The following FBXO31 variants were observed in gnomAD, a reference collection of about 807,000 sequenced individuals.
The protein encoded by FBXO31 is F-box protein 31.
In FBXO31, 24 loss-of-function variants were observed where a neutral mutation model predicts 54.4. The observed-to-expected ratio is 0.44, with a 90% CI of 0.32 to 0.62. The LOEUF (loss-of-function observed/expected upper bound fraction) is 0.62, where lower values mean the gene tolerates loss of function less well. FBXO31 is among the 20% of genes least tolerant of loss of function. The pLI is 0.05. For missense variants in FBXO31, 665 were observed against 787.1 expected, an observed-to-expected ratio of 0.84 and a Z score of 1.86; for synonymous variants, 388 against 335.6, an observed-to-expected ratio of 1.16 and a Z score of -1.71.
At chr16:87,351,921 C>T (rs553001568) in intron 2 of FBXO31, among the ~76,000 whole-genome samples, 3 of 152,174 alleles carry the variant, frequency 2.0e-5, no homozygotes, top group African/African-American at 4.8e-5. Flanking sequence ...AGACGCTCTT[C>T]GTTTGTACAG....
chr16:87,355,465 T>G (rs1215227668), intron 2 of FBXO31, among the ~76,000 whole-genome samples: 1 of 152,184 alleles, frequency 6.6e-6, no homozygotes, highest in East Asian at 1.9e-4. Flanking sequence ...TTGGCTTTCT[T>G]TTTTCACACA....
chr16:87,336,299 G>T lies in FBXO31; in HGVS notation c.733-35C>A. ...GAACACAGGTCATGAATATCCATAT[G>T]ACAGGAGGCTGTGAAGAGGCTGCCG... On this transcript the variant is annotated intron_variant, in intron 5 of 8. Coordinates refer to ENST00000311635, the MANE Select transcript of FBXO31 (RefSeq NM_024735.5). This position sits in a 1 kb window ranked among gnomAD's most constrained non-coding sequence, Gnocchi z 6.5. The T allele has an allele frequency of 6.3e-7, 1 of 1,594,568 alleles. No homozygotes were observed. The highest frequency in any genetic ancestry group is 1.1e-5 in the South Asian group (1 of 90,708).
chr16:87,333,721 G>C (rs549321079), intron 8 of FBXO31, among the ~76,000 whole-genome samples, 165 bp downstream of exon 8: 1 of 152,172 alleles, frequency 6.6e-6, no homozygotes, highest in African/African-American at 2.4e-5. Context: ...AGGTGCTGGG[G>C]AACATGGCCC....
Position 87,335,348 on chromosome 16 carries a change from T to C in FBXO31, c.952A>G (p.Met318Val). Residue 318 changes from methionine (M) to valine (V), a missense_variant, in exon 7 of 9, where the codon ATG becomes GTG. By Grantham distance (21) the Met-to-Val change is conservative. Coordinates refer to ENST00000311635, the MANE Select transcript of FBXO31 (RefSeq NM_024735.5). This position sits in a 1 kb window ranked among gnomAD's most constrained non-coding sequence, Gnocchi z 5.7. ...TYGSHGLEIV[M>V]LSFHGRRARG... ...GCACGCCGGCCGTGGAAGCTGAGCA[T>C]CACAATCTCCAGGCCGTGGCTGCCA... 6.2e-7 allele frequency: 1 copy of C among 1,613,988 alleles called. No individual in the cohort carries two copies. The highest frequency in any genetic ancestry group is 8.5e-7 in the Non-Finnish European group (1 of 1,179,986).
chr16:87,329,108 C>G lies in FBXO31; in HGVS notation c.*2180G>C, dbSNP rs1242074456. On this transcript the variant is annotated 3_prime_UTR_variant, in exon 9 of 9. Transcript: ENST00000311635. Reference sequence around the variant, plus strand: ...TAAGGACACATCGGAGCGGAAAAAACAAGACCTGTAGTCACGACTGAAGGG... The same window carrying G: ...TAAGGACACATCGGAGCGGAAAAAAGAAGACCTGTAGTCACGACTGAAGGG... 3 of 152,310 alleles carry G rather than the reference C, an allele frequency of 2.0e-5. No homozygotes were observed. The highest frequency in any genetic ancestry group is 7.2e-5 in the African/African-American group (3 of 41,474). 9.4% of individuals were successfully genotyped at this position (152,310 alleles called of 1,614,324 possible). A position where few individuals can be genotyped will look rare whatever the true frequency, so the allele number is the denominator to read the frequency against.
intron 2 of FBXO31, among the ~76,000 whole-genome samples, chr16:87,359,691 T>C (rs1906050093): frequency 6.6e-6 from 1 of 152,174 alleles, no homozygotes; most frequent in Admixed American, 6.5e-5. Flanking sequence ...AAGAGCTTCG[T>C]CCAGTGAGCA....
chr16:87,383,739 C>A lies in FBXO31; in HGVS notation c.6G>T (p.Ala2=), dbSNP rs903755859. 3.3e-6 allele frequency: 4 copies of A among 1,214,794 alleles called. No individual in the cohort carries two copies. Among genetic ancestry groups the A allele is most frequent in the Middle Eastern group, 6.5e-4 (2 of 3,074 alleles). 75.3% of individuals were successfully genotyped at this position (1,214,794 alleles called of 1,614,324 possible). M[A]VCARLCGVGP... ...CCACGCCGCAAAGGCGAGCACACAC[C>A]GCCATGCCGCCCAGTGACGGCCACT... Residue 2 remains alanine (A), a synonymous_variant, in exon 1 of 9, where the codon GCG becomes GCT. Coordinates refer to ENST00000311635, the MANE Select transcript of FBXO31 (RefSeq NM_024735.5). This position sits in a 1 kb window ranked among gnomAD's most constrained non-coding sequence, Gnocchi z 4.9.
At chr16:87,354,591 G>A (rs180941420) in intron 2 of FBXO31, among the ~76,000 whole-genome samples, 115 of 152,150 alleles carry the variant, frequency 7.6e-4, no homozygotes, top group Non-Finnish European at 1.3e-3. Context: ...TTACAAATGC[G>A]TATTATCCAG....
chr16:87,344,865 A>G (rs1331199968), intron 3 of FBXO31, among the ~76,000 whole-genome samples: 34 of 146,346 alleles, frequency 2.3e-4, no homozygotes, highest in African/African-American at 7.1e-4. Flanking sequence ...TGGGGGCAAA[A>G]CCCATCCCTG....
intron 3 of FBXO31, among the ~76,000 whole-genome samples, chr16:87,344,573 C>T (rs962111865): frequency 2.0e-5 from 3 of 152,108 alleles, no homozygotes; most frequent in Non-Finnish European, 2.9e-5. Flanking sequence ...CTGGGTCAAG[C>T]GTGAGCTGGT....
At chr16:87,389,676 T>C (rs1239298977) in intron 1 of FBXO31, 3 of 152,252 alleles carry the variant, frequency 2.0e-5, no homozygotes, top group African/African-American at 2.4e-5. Context: ...CTCCACTCTT[T>C]AAGACTTCAA....
chr16:87,388,101 G>T (rs1347069191), upstream of FBXO31, among the ~76,000 whole-genome samples: 3 of 152,204 alleles, frequency 2.0e-5, no homozygotes, highest in Non-Finnish European at 4.4e-5. Context: ...AAACATGGTG[G>T]AACCTCAGCC....
upstream of FBXO31, chr16:87,391,511 G>C (rs1597386432): frequency 6.6e-6 from 1 of 152,350 alleles, no homozygotes; most frequent in African/African-American, 2.4e-5. Flanking sequence ...TAGTGGCTGG[G>C]AGGCTGAGGG....
chr16:87,372,761 C>G (rs1340802621), intron 1 of FBXO31, among the ~76,000 whole-genome samples: 1 of 144,228 alleles, frequency 6.9e-6, no homozygotes, highest in Non-Finnish European at 1.5e-5. Context: ...GAGACAGAGT[C>G]TCACTCTGTC....
chr16:87,369,750 T>C (rs1033177747), intron 1 of FBXO31, among the ~76,000 whole-genome samples: 1 of 152,260 alleles, frequency 6.6e-6, no homozygotes, highest in Non-Finnish European at 1.5e-5. Context: ...ACTACAATAC[T>C]GTTTTCCACA....
At chr16:87,347,953 G>T (rs1244141677) in intron 2 of FBXO31, among the ~76,000 whole-genome samples, 1 of 152,226 alleles carries the variant, frequency 6.6e-6, no homozygotes, top group Non-Finnish European at 1.5e-5. Context: ...ACTCGCTGAA[G>T]GCCCAGGACA....
At chr16:87,371,715 C>G (rs539921314) in intron 1 of FBXO31, among the ~76,000 whole-genome samples, 18 of 152,344 alleles carry the variant, frequency 1.2e-4, no homozygotes, top group Non-Finnish European at 2.1e-4. Flanking sequence ...AAGACAAACC[C>G]CAGACCCTCA....
chr16:87,337,390 C>T (rs1905069159), intron 5 of FBXO31, among the ~76,000 whole-genome samples: 1 of 152,180 alleles, frequency 6.6e-6, no homozygotes, highest in Non-Finnish European at 1.5e-5. Context: ...TCCGACCTCA[C>T]GCCAACCACA....
chr16:87,344,853 C>G (rs1044710092), intron 3 of FBXO31, among the ~76,000 whole-genome samples: 5 of 152,100 alleles, frequency 3.3e-5, no homozygotes, highest in Admixed American at 6.5e-5. Context: ...GAAAACCCCA[C>G]CTGGGGGCAA....
Sources: gnomAD v4.1 joint callset for allele counts (sites outside exome capture counted in the v4.1 genomes callset) on GRCh38, gnomAD v4.1.1 for gene constraint, Gnocchi (gnomAD v3.1) non-coding constraint, MANE v1.5 for transcripts, NCBI Gene and HGNC (gene_info 2026-07-23, HGNC 2026-07-21) for gene names.